HECW2: variants seen among roughly 807,000 people sequenced by gnomAD.
The protein encoded by HECW2 is HECT, C2 and WW domain containing E3 ubiquitin protein ligase 2.
Under a neutral mutation model 175.2 loss-of-function variants are expected in HECW2, and 61 were observed. The observed-to-expected ratio is 0.35, with a 90% CI of 0.28 to 0.43. HECW2 has a LOEUF of 0.43. HECW2 is among the 20% of genes least tolerant of loss of function. The pLI, the probability that HECW2 is intolerant of heterozygous loss-of-function variation, is 1.00. For missense variants in HECW2, 1,524 were observed against 2,000.5 expected (o/e 0.76, Z 4.54); for synonymous variants, 671 against 731.0 (o/e 0.92, Z 1.32).
chr2:196,522,331 T>G (rs1482325141), intron 1 of HECW2, among the ~76,000 whole-genome samples: 1 of 152,196 alleles, frequency 6.6e-6, no homozygotes, highest in Non-Finnish European at 1.5e-5. Context: ...ATGGGGTTGT[T>G]TTTTTCTTGT....
intron 1 of HECW2, among the ~76,000 whole-genome samples, chr2:196,581,203 T>C (rs1044279371): frequency 2.6e-5 from 4 of 152,178 alleles, no homozygotes; most frequent in South Asian, 2.1e-4. Context: ...AGGAATTAGA[T>C]AGTGGTGATG....
intron 1 of HECW2, among the ~76,000 whole-genome samples, chr2:196,533,804 C>G (rs766497080): frequency 3.3e-5 from 5 of 152,136 alleles, no homozygotes; most frequent in Non-Finnish European, 5.9e-5. Context: ...AAGATGAAAG[C>G]TTTACAACTG....
Position 196,199,402 on chromosome 2 carries a change from T to C in HECW2, c.*1875A>G, listed in dbSNP as rs1335864027. 1 of 152,586 alleles carries C rather than the reference T, an allele frequency of 6.6e-6. No homozygotes were observed. The highest frequency in any genetic ancestry group is 2.4e-5 in the African/African-American group (1 of 41,444). 9.5% of individuals were successfully genotyped at this position (152,586 alleles called of 1,614,324 possible). A position where few individuals can be genotyped will look rare whatever the true frequency, so the allele number is the denominator to read the frequency against. ...ATTTCTATAACCCTTTTTCAGAACA[T>C]TTCTTCACACTGCAGTACGTGCCTT... On this transcript the variant is annotated 3_prime_UTR_variant, in exon 29 of 29. Transcript: ENST00000644978.
In HECW2 at chr2:196,450,732, C is replaced by G. The variant is rs189077394; in HGVS notation, c.-35-17274G>C. On this transcript the variant is annotated intron_variant, in intron 1 of 28. Transcript: ENST00000644978. ...CTGACCTCAGGTGATCCACCCGCCT[C>G]AGCCTCCCAAACTGCTGGGATTACA... is the stretch of plus-strand genomic sequence containing the variant. Among the ~76,000 whole-genome samples the G allele has an allele frequency of 2.8e-3, 432 of 152,170 alleles. 1 individual carries two copies. The highest frequency in any genetic ancestry group is 4.6e-3 in the Non-Finnish European group (316 of 67,998).
intron 1 of HECW2, among the ~76,000 whole-genome samples, chr2:196,575,646 G>A (rs374783803): frequency 2.0e-4 from 30 of 152,074 alleles, no homozygotes; most frequent in African/African-American, 3.6e-4. Flanking sequence ...AGTCCATTTC[G>A]CATTGCTATA....
At chr2:196,402,885 C>T (rs1187551253) in intron 2 of HECW2, among the ~76,000 whole-genome samples, 2 of 147,122 alleles carry the variant, frequency 1.4e-5, no homozygotes, top group Admixed American at 7.0e-5. Context: ...CAGCTCACTG[C>T]AACCTCCGCC....
chr2:196,243,112 TCACTTGCACAAAGTGCG>T (rs1412081451), intron 19 of HECW2, among the ~76,000 whole-genome samples: 2 of 152,152 alleles, frequency 1.3e-5, no homozygotes, highest in Admixed American at 6.5e-5. Context: ...GGCACCTGTC[TCACTTGCACAAAGTGCG>T]CACTTGCACA....
chr2:196,560,881 C>G (rs977191555), intron 1 of HECW2, among the ~76,000 whole-genome samples: 1 of 152,190 alleles, frequency 6.6e-6, no homozygotes. Context: ...ATCCTGTCAT[C>G]TTCGTAAGCT....
At chr2:196,226,002 G>A (rs954780650) in intron 22 of HECW2, 132 bp from the exon 23 acceptor site, 1 of 606,484 alleles carries the variant, frequency 1.6e-6, no homozygotes, top group Non-Finnish European at 3.0e-6. Flanking sequence ...TAGGTAGTGA[G>A]AATTTGTAGG....
intron 28 of HECW2, among the ~76,000 whole-genome samples, chr2:196,210,739 G>C (rs1158677472): frequency 6.6e-6 from 1 of 150,884 alleles, no homozygotes; most frequent in Non-Finnish European, 1.5e-5. Context: ...TCAGCCTCCC[G>C]AGTAGCTGGG....
rs573461772 is a variant in HECW2, at chr2:196,261,836, A to ATTATAGG, written c.3336-3937_3336-3931dup. On this transcript the variant is annotated intron_variant, in intron 17 of 28. Transcript: ENST00000644978. ...TAAAATAAAAGTGACTAACGTCAAC[A>ATTATAGG]TTATAGGTCCGCAATATTTCTTTTT... Among the ~76,000 whole-genome samples the ATTATAGG allele has an allele frequency of 3.1e-4, 47 of 152,346 alleles. 1 individual carries two copies. The East Asian group carries it at 7.5e-3, about 24-fold the overall frequency.
chr2:196,440,827 C>A (rs1441944274), intron 1 of HECW2, among the ~76,000 whole-genome samples: 1 of 152,012 alleles, frequency 6.6e-6, no homozygotes, highest in Non-Finnish European at 1.5e-5. Context: ...ATAACTCATC[C>A]CTCCCAGGGT....
At chr2:196,507,164 C>CGTG in intron 1 of HECW2, among the ~76,000 whole-genome samples, 1 of 2,448 alleles carries the variant, frequency 4.1e-4, no homozygotes, top group Non-Finnish European at 9.5e-4. Context: ...TATACACACA[C>CGTG]TATGTGTATA....
chr2:196,274,657 A>G (rs1021358538), intron 15 of HECW2, among the ~76,000 whole-genome samples: 3 of 152,202 alleles, frequency 2.0e-5, no homozygotes, highest in Admixed American at 1.3e-4. Flanking sequence ...GCAATTCTCC[A>G]TGCCTATTAG....
At chr2:196,537,948 A>C (rs989900055) in intron 1 of HECW2, among the ~76,000 whole-genome samples, 2 of 152,112 alleles carry the variant, frequency 1.3e-5, no homozygotes, top group Non-Finnish European at 2.9e-5. Flanking sequence ...CTGTCCTTTC[A>C]CCACTGTACT....
intron 28 of HECW2, 151 bp downstream of exon 28, chr2:196,215,714 G>A (rs998869233): frequency 2.8e-5 from 16 of 577,584 alleles, no homozygotes; most frequent in East Asian, 5.8e-5. Context: ...TTTCCTCTTC[G>A]TTTAGAAAGG....
intron 2 of HECW2, among the ~76,000 whole-genome samples, chr2:196,432,655 T>C (rs1695749692): frequency 6.6e-6 from 1 of 152,194 alleles, no homozygotes; most frequent in South Asian, 2.1e-4. Context: ...TCATGAAATT[T>C]AAAAATAAAA....
chr2:196,456,744 C>T (rs1375161447), intron 1 of HECW2, among the ~76,000 whole-genome samples: 3 of 152,208 alleles, frequency 2.0e-5, no homozygotes, highest in African/African-American at 2.4e-5. Flanking sequence ...TAAGAAACTC[C>T]GGATTTACTT....
intron 23 of HECW2, among the ~76,000 whole-genome samples, chr2:196,223,341 C>T (rs16847497): frequency 6.6e-6 from 1 of 152,036 alleles, no homozygotes; most frequent in Non-Finnish European, 1.5e-5. Context: ...CATGAGGGGC[C>T]TTTTCTTTGA....
Sources: gnomAD v4.1 joint callset for allele counts (sites outside exome capture counted in the v4.1 genomes callset) on GRCh38, gnomAD v4.1.1 for gene constraint, MANE v1.5 for transcripts, NCBI Gene and HGNC (gene_info 2026-07-23, HGNC 2026-07-21) for gene names.